Variants in GABRG3 observed in about 807,000 individuals in gnomAD.
GABRG3 encodes gamma-aminobutyric acid receptor subunit gamma-3.
GABRG3 carries 25 observed loss-of-function variants against 48.8 expected under a neutral mutation model. That is an observed-to-expected ratio of 0.51 (90% CI 0.37 to 0.72). The LOEUF (loss-of-function observed/expected upper bound fraction) is 0.72, where lower values mean the gene tolerates loss of function less well. Ranked by LOEUF, GABRG3 falls within the 30% of genes least tolerant of loss-of-function variation. GABRG3 has a pLI of 0.00. For missense variants in GABRG3, 394 were observed against 577.9 expected, an observed-to-expected ratio of 0.68 and a Z score of 3.26; for synonymous variants, 227 against 217.6, an observed-to-expected ratio of 1.04 and a Z score of -0.38.
Position 27,457,982 on chromosome 15 carries a change from T to C in GABRG3, c.575-22668T>C, listed in dbSNP as rs998727296. On this transcript the variant is annotated intron_variant, in intron 5 of 9. Coordinates refer to ENST00000615808, the MANE Select transcript of GABRG3 (RefSeq NM_033223.5). The surrounding 1 kb of genome is among the most constrained non-coding windows in gnomAD (Gnocchi z 4.4). ...AGGAGGCAGAAACAGCCTGTGACCA[T>C]CTGCTTTTGTCGTGAACTCCTTGGA... Among the ~76,000 whole-genome samples, 1 of 152,158 alleles carries C rather than the reference T, an allele frequency of 6.6e-6. No homozygotes were observed. Among genetic ancestry groups the C allele is most frequent in the African/African-American group, 2.4e-5 (1 of 41,444 alleles).
intron 3 of GABRG3, among the ~76,000 whole-genome samples, chr15:27,039,045 C>T (rs541998252): frequency 3.9e-5 from 6 of 152,218 alleles, no homozygotes; most frequent in South Asian, 4.2e-4. Flanking sequence ...GGTTGGGCTC[C>T]GTTACAAGTA....
intron 3 of GABRG3, among the ~76,000 whole-genome samples, chr15:27,298,014 ACATCAGAAAATAT>A (rs1892060750): frequency 6.6e-6 from 1 of 152,118 alleles, no homozygotes; most frequent in Non-Finnish European, 1.5e-5. Context: ...CTCAAACGTT[ACATCAGAAAATAT>A]CCACTTAATC....
At chr15:27,202,643 A>G (rs1039740843) in intron 3 of GABRG3, among the ~76,000 whole-genome samples, 1 of 152,084 alleles carries the variant, frequency 6.6e-6, no homozygotes, top group Non-Finnish European at 1.5e-5. Context: ...ATTGCTTTAT[A>G]TTGCATTTTT....
intron 5 of GABRG3, among the ~76,000 whole-genome samples, chr15:27,344,636 A>G (rs1595691857): frequency 6.6e-6 from 1 of 152,348 alleles, no homozygotes; most frequent in Admixed American, 6.5e-5. Flanking sequence ...AACATCAAGC[A>G]TACCAAGCCA....
intron 5 of GABRG3, among the ~76,000 whole-genome samples, chr15:27,460,356 T>A (rs958276553): frequency 6.6e-5 from 10 of 152,106 alleles, no homozygotes; most frequent in Admixed American, 5.9e-4. Flanking sequence ...CAGACTGGGG[T>A]CTGCTTGGCA....
intron 3 of GABRG3, among the ~76,000 whole-genome samples, chr15:27,143,856 G>T (rs554990686): frequency 6.6e-6 from 1 of 152,284 alleles, no homozygotes; most frequent in South Asian, 2.1e-4. Context: ...TCATAAATTT[G>T]TTGACCGTGA....
At chr15:27,413,530 A>T (rs1887861010) in intron 5 of GABRG3, among the ~76,000 whole-genome samples, 1 of 152,356 alleles carries the variant, frequency 6.6e-6, no homozygotes, top group East Asian at 1.9e-4. Context: ...ACGAAAAATC[A>T]TTATTTTCAA....
chr15:27,437,781 G>T (rs192699162), intron 5 of GABRG3, among the ~76,000 whole-genome samples: 2 of 152,298 alleles, frequency 1.3e-5, no homozygotes, highest in Admixed American at 1.3e-4. Flanking sequence ...GGTTATGCAG[G>T]CTGTACAGGA....
chr15:27,141,546 GAA>G (rs1898103217), intron 3 of GABRG3, among the ~76,000 whole-genome samples: 1 of 152,276 alleles, frequency 6.6e-6, no homozygotes, highest in South Asian at 2.1e-4. Flanking sequence ...CATAAGCAAA[GAA>G]AAATCAATTT....
At chr15:27,007,456 G>A (rs1895607795) in intron 2 of GABRG3, among the ~76,000 whole-genome samples, 1 of 152,160 alleles carries the variant, frequency 6.6e-6, no homozygotes, top group South Asian at 2.1e-4. Context: ...TGGGGCAAAT[G>A]TTTGCTCTGT....
intron 3 of GABRG3, among the ~76,000 whole-genome samples, chr15:27,137,259 C>G (rs963385098): frequency 1.3e-5 from 2 of 152,174 alleles, no homozygotes; most frequent in Non-Finnish European, 1.5e-5. Context: ...CATCTCTCTC[C>G]TAGTCCATGG....
chr15:27,138,744 T>G (rs1300584846), intron 3 of GABRG3, among the ~76,000 whole-genome samples: 1 of 152,228 alleles, frequency 6.6e-6, no homozygotes, highest in Non-Finnish European at 1.5e-5. Context: ...TCTGAAGGCA[T>G]AATTCCATTG....
chr15:27,007,580 T>A (rs1216273557), intron 2 of GABRG3, among the ~76,000 whole-genome samples: 1 of 152,214 alleles, frequency 6.6e-6, no homozygotes, highest in Non-Finnish European at 1.5e-5. Flanking sequence ...CAGCATCTGT[T>A]ATTTTTTGGC....
intron 7 of GABRG3, among the ~76,000 whole-genome samples, chr15:27,526,067 T>C (rs1029169770): frequency 6.6e-6 from 1 of 152,224 alleles, no homozygotes; most frequent in Admixed American, 6.5e-5. Flanking sequence ...ACCACCTATA[T>C]TAAAGAGTGC....
rs910863495 is a variant in GABRG3 at position 27,214,045 on chromosome 15, T to C, written c.271-112764T>C. Among the ~76,000 whole-genome samples, 188 of 152,322 alleles carry C rather than the reference T, an allele frequency of 1.2e-3. 2 individuals carry two copies. Among genetic ancestry groups the C allele is most frequent in the African/African-American group, 4.4e-3 (184 of 41,578 alleles). The stretch of plus-strand genomic sequence containing the variant: ...AGCAGGTAAAATCACAGACTTTGGC[T>C]TCGCTAAGATGTGTGATTGAGTCTC... On this transcript the variant is annotated intron_variant, in intron 3 of 9. Transcript: ENST00000615808.
At chr15:27,097,569 T>C (rs1184338634) in intron 3 of GABRG3, among the ~76,000 whole-genome samples, 1 of 152,116 alleles carries the variant, frequency 6.6e-6, no homozygotes, top group African/African-American at 2.4e-5. Context: ...TTTTTGTCTT[T>C]CAGGATTACA....
intron 3 of GABRG3, among the ~76,000 whole-genome samples, chr15:27,127,289 C>T (rs1241038492): frequency 6.6e-6 from 1 of 152,094 alleles, no homozygotes; most frequent in South Asian, 2.1e-4. Context: ...GAAATTCTTA[C>T]ATGTGCTATA....
intron 3 of GABRG3, among the ~76,000 whole-genome samples, chr15:27,195,973 A>G (rs1275807149): frequency 2.4e-4 from 36 of 152,136 alleles, no homozygotes; most frequent in Non-Finnish European, 2.9e-5. Context: ...TTTCTATTGT[A>G]GACTGAAGAT....
chr15:27,292,392 A>G (rs1415717829), intron 3 of GABRG3, among the ~76,000 whole-genome samples: 1 of 151,934 alleles, frequency 6.6e-6, no homozygotes, highest in African/African-American at 2.4e-5. Context: ...ACAAAACTGC[A>G]TGTTCTGCAC....
Sources: allele counts gnomAD v4.1 joint callset (sites outside exome capture counted in the v4.1 genomes callset), GRCh38; gene constraint gnomAD v4.1.1; non-coding constraint Gnocchi (gnomAD v3.1); transcripts MANE v1.5; gene names NCBI Gene and HGNC (gene_info 2026-07-23, HGNC 2026-07-21).